The following SPAG16 variants were observed in gnomAD, a reference collection of about 807,000 sequenced individuals.
SPAG16 encodes sperm-associated antigen 16 protein.
SPAG16 carries 86 observed loss-of-function variants against 80.4 expected under a neutral mutation model. The observed-to-expected ratio is 1.07, with a 90% confidence interval of 0.90 to 1.28. The LOEUF (loss-of-function observed/expected upper bound fraction) is 1.28. SPAG16 is among the 50% of genes most tolerant of loss of function. SPAG16 has a pLI of 0.00. For synonymous variants in SPAG16, 294 were observed against 265.9 expected (o/e 1.11, Z -1.03); for missense variants, 870 against 765.3 (o/e 1.14, Z -1.61).
At chr2:213,339,543 T>G (rs1575259564) in intron 5 of SPAG16, among the ~76,000 whole-genome samples, 2 of 152,224 alleles carry the variant, frequency 1.3e-5, no homozygotes, top group South Asian at 4.1e-4. Flanking sequence ...TGCCAGAGGT[T>G]TGCAGAAGAT....
At chr2:214,289,775 A>C (rs947889965) in intron 15 of SPAG16, among the ~76,000 whole-genome samples, 1 of 152,084 alleles carries the variant, frequency 6.6e-6, no homozygotes, top group Non-Finnish European at 1.5e-5. Flanking sequence ...TGACATTCTT[A>C]CTTTGATAGG....
intron 15 of SPAG16, among the ~76,000 whole-genome samples, chr2:214,332,723 T>C (rs1390706151): frequency 1.3e-5 from 2 of 152,142 alleles, no homozygotes; most frequent in Non-Finnish European, 2.9e-5. Context: ...ACTACCACGC[T>C]CCATCTTTTT....
intron 11 of SPAG16, among the ~76,000 whole-genome samples, chr2:213,868,064 T>C (rs1409307172): frequency 6.6e-6 from 1 of 151,452 alleles, no homozygotes; most frequent in African/African-American, 2.4e-5. Context: ...TATGCAACCA[T>C]CAACATTAGT....
intron 15 of SPAG16, among the ~76,000 whole-genome samples, chr2:214,160,389 A>T (rs1181146206): frequency 6.6e-6 from 1 of 151,842 alleles, no homozygotes; most frequent in African/African-American, 2.4e-5. Context: ...TGGTTGTAAC[A>T]GTGGATCCTT....
At chr2:213,333,238 A>T (rs1482586176) in intron 5 of SPAG16, among the ~76,000 whole-genome samples, 2 of 152,134 alleles carry the variant, frequency 1.3e-5, no homozygotes, top group East Asian at 3.8e-4. Flanking sequence ...AAAAGAAATT[A>T]GAAAGTAATC....
At chr2:213,764,750 A>C (rs1181072768) in intron 10 of SPAG16, among the ~76,000 whole-genome samples, 5 of 152,168 alleles carry the variant, frequency 3.3e-5, no homozygotes. Flanking sequence ...TTATGAAACT[A>C]TAAAATATTA....
intron 11 of SPAG16, among the ~76,000 whole-genome samples, chr2:213,870,286 G>T (rs2075896648): frequency 6.6e-6 from 1 of 152,106 alleles, no homozygotes; most frequent in Non-Finnish European, 1.5e-5. Context: ...GTTGAAATGG[G>T]ATTATAACCA....
chr2:213,622,893 AC>A (rs1347980667), intron 10 of SPAG16, among the ~76,000 whole-genome samples: 3 of 152,128 alleles, frequency 2.0e-5, no homozygotes, highest in African/African-American at 7.2e-5. Flanking sequence ...GTAACTCTAT[AC>A]CTTTCATTAT....
intron 15 of SPAG16, among the ~76,000 whole-genome samples, chr2:214,265,185 T>C (rs1018135993): frequency 3.3e-5 from 5 of 152,176 alleles, no homozygotes; most frequent in Non-Finnish European, 7.4e-5. Context: ...GCCAAACTGT[T>C]TGCCAAAGTG....
At chr2:213,566,140 G>C (rs921718680) in intron 10 of SPAG16, among the ~76,000 whole-genome samples, 1 of 152,122 alleles carries the variant, frequency 6.6e-6, no homozygotes, top group Non-Finnish European at 1.5e-5. Context: ...AAGTCAATGG[G>C]TTGCTGGAGT....
chr2:213,785,148 G>A (rs551973592), intron 10 of SPAG16, among the ~76,000 whole-genome samples: 1 of 152,194 alleles, frequency 6.6e-6, no homozygotes, highest in African/African-American at 2.4e-5. Flanking sequence ...CTGCTCTCAG[G>A]TAACCATCGT....
chr2:214,284,001 A>G (rs1298204576), intron 15 of SPAG16, among the ~76,000 whole-genome samples: 1 of 152,230 alleles, frequency 6.6e-6, no homozygotes, highest in African/African-American at 2.4e-5. Context: ...ATGCTAATTA[A>G]TAATCAAAAC....
chr2:214,349,903 T>C (rs977043428), intron 15 of SPAG16, among the ~76,000 whole-genome samples: 4 of 152,242 alleles, frequency 2.6e-5, no homozygotes, highest in African/African-American at 7.2e-5. Context: ...ACCAATATTT[T>C]ACTTACTTTT....
rs138286344 is a variant in SPAG16, at chr2:213,884,299, G to A, written c.1214+21671G>A. Among the ~76,000 whole-genome samples the A allele has an allele frequency of 7.9e-5, 12 of 152,206 alleles. No homozygotes were observed. In the East Asian group the frequency reaches 2.3e-3, roughly 29 times the overall value. On this transcript the variant is annotated intron_variant, in intron 11 of 15. Transcript: ENST00000331683. ...TGGTGGAATATAAAATTCTTGGTTG[G>A]AATGTCTTTCCTTTAAGGATGCTAA...
At chr2:213,919,643 G>A (rs900848423) in intron 11 of SPAG16, among the ~76,000 whole-genome samples, 3 of 152,148 alleles carry the variant, frequency 2.0e-5, no homozygotes, top group African/African-American at 4.8e-5. Flanking sequence ...TTATTGTGCT[G>A]TGATGCAAGA....
At chr2:214,129,462 G>T (rs2054654094) in intron 14 of SPAG16, among the ~76,000 whole-genome samples, 1 of 152,102 alleles carries the variant, frequency 6.6e-6, no homozygotes, top group Admixed American at 6.6e-5. Context: ...CAGGCAGGAG[G>T]ATATACCTGA....
At chr2:213,404,753 C>G (rs1273442395) in intron 9 of SPAG16, among the ~76,000 whole-genome samples, 1 of 152,072 alleles carries the variant, frequency 6.6e-6, no homozygotes, top group Non-Finnish European at 1.5e-5. Context: ...AGTTCTCTTT[C>G]TATATGTTAA....
intron 14 of SPAG16, among the ~76,000 whole-genome samples, chr2:214,116,589 T>C (rs1170218822): frequency 6.6e-6 from 1 of 152,162 alleles, no homozygotes; most frequent in Admixed American, 6.5e-5. Context: ...GAAGCACACC[T>C]GTATGGACAC....
chr2:213,400,358 T>A (rs2068247490), intron 9 of SPAG16, among the ~76,000 whole-genome samples: 1 of 152,174 alleles, frequency 6.6e-6, no homozygotes, highest in African/African-American at 2.4e-5. Flanking sequence ...TTTTGTTTAG[T>A]TTTAAGTATT....
Sources: allele counts gnomAD v4.1 joint callset (sites outside exome capture counted in the v4.1 genomes callset), GRCh38; gene constraint gnomAD v4.1.1; transcripts MANE v1.5; gene names NCBI Gene and HGNC (gene_info 2026-07-23, HGNC 2026-07-21).